Variants in KRT85 observed in about 807,000 individuals in gnomAD.
KRT85 encodes the protein keratin 85.
A neutral mutation model predicts 53.7 loss-of-function variants in KRT85; 39 were observed. That is an observed-to-expected ratio of 0.73 (90% CI 0.56 to 0.95). The LOEUF is 0.95. KRT85 is among the 40% of genes least tolerant of loss of function. KRT85 has a pLI of 0.00. For missense variants in KRT85, 668 were observed against 686.0 expected (o/e 0.97, Z 0.29); for synonymous variants, 291 against 277.5 (o/e 1.05, Z -0.48).
intron 2 of KRT85, 94 bp downstream of exon 2, chr12:52,364,867 GA>G: frequency 6.2e-7 from 1 of 1,602,806 alleles, no homozygotes. Flanking sequence ...CCTGCTAGAG[GA>G]ATCTGAAAGA....
chr12:52,362,551 G>T, intron 6 of KRT85, 80 bp from the exon 7 acceptor site: 1 of 1,544,726 alleles, frequency 6.5e-7, no homozygotes, highest in South Asian at 1.1e-5. Context: ...AGCCAGGGCA[G>T]GGAGAGGAGG....
rs749071018 is a variant in KRT85, at chr12:52,362,849, C to G, written c.1077+5G>C. 2 of 1,614,168 alleles carry G rather than the reference C, an allele frequency of 1.2e-6. No homozygotes were observed. The highest frequency in any genetic ancestry group is 2.2e-5 in the South Asian group (2 of 91,076). On this transcript the variant is annotated splice_donor_5th_base_variant and intron_variant, in intron 6 of 8. Coordinates refer to ENST00000257901, the MANE Select transcript of KRT85 (RefSeq NM_002283.4). ...CTGCGTATTTGAATCCTCCACAGAC[C>G]CCACCTGGCACTTGGCATTCTCAAT...
chr12:52,364,016 TCTCCAAAACA>T, intron 4 of KRT85, 42 bp downstream of exon 4: 1 of 1,378,530 alleles, frequency 7.3e-7, no homozygotes, highest in Non-Finnish European at 1.0e-6. Flanking sequence ...TGCTCCCCTG[TCTCCAAAACA>T]CCCCTCCACC....
intron 1 of KRT85, among the ~76,000 whole-genome samples, chr12:52,366,505 C>G (rs532998426): frequency 6.6e-6 from 1 of 152,196 alleles, no homozygotes; most frequent in South Asian, 2.1e-4. Context: ...CTAGGAGCCA[C>G]AAGGTCTTTT....
In KRT85 at chr12:52,362,168, GCTCACACTCAGCTCAAGGAAATT is replaced by G. The variant is rs1378808280; in HGVS notation, c.1298+60_1298+82del. 8.9e-6 allele frequency: 14 copies of G among 1,578,622 alleles called. No homozygotes were observed. The Admixed American group carries it at 2.2e-4, about 25-fold the overall frequency. On this transcript the variant is annotated intron_variant, in intron 7 of 8. Coordinates refer to ENST00000257901, the MANE Select transcript of KRT85 (RefSeq NM_002283.4). ...TGTATTAGCCATGGCCAGAGTTGTA[GCTCACACTCAGCTCAAGGAAATT>G]CACTCCTGGAGGACCACAGCCTCCA...
intron 1 of KRT85, among the ~76,000 whole-genome samples, chr12:52,365,796 C>T (rs1034452628): frequency 6.6e-6 from 1 of 152,122 alleles, no homozygotes; most frequent in Non-Finnish European, 1.5e-5. Context: ...GTGTGAAATG[C>T]CCAGCTCATG....
intron 2 of KRT85, 21 bp from the exon 3 acceptor site, chr12:52,364,387 G>T (rs77184300): frequency 1.9e-6 from 3 of 1,614,060 alleles, no homozygotes; most frequent in East Asian, 2.2e-5. Context: ...GAGAGAGAAG[G>T]TCTGGAGCTG....
chr12:52,365,868 G>A (rs753133386), intron 1 of KRT85, among the ~76,000 whole-genome samples: 7 of 152,142 alleles, frequency 4.6e-5, no homozygotes, highest in African/African-American at 1.2e-4. Context: ...TGAGATGCTC[G>A]TATACACCCC....
chr12:52,361,379 C>T, intron 8 of KRT85, 88 bp downstream of exon 8: 2 of 1,219,534 alleles, frequency 1.6e-6, no homozygotes, highest in Non-Finnish European at 2.4e-6. Flanking sequence ...GTTGGGGGAA[C>T]ACTCGAGGCT....
chr12:52,361,469 ACATT>A lies in KRT85; in HGVS notation c.1324_1327del (p.Asn442SerfsTer32). The A allele has an allele frequency of 6.2e-7, 1 of 1,614,058 alleles. No individual in the cohort carries two copies. The highest frequency in any genetic ancestry group is 8.5e-7 in the Non-Finnish European group (1 of 1,179,900). ...GAGAATTTCAGGCAGATACTCACAG[ACATT>A]CACAGAGCCCACACCTTCACACAGC... On this transcript the variant is annotated frameshift_variant, in exon 8 of 9. Transcript: ENST00000257901. LOFTEE classifies it high-confidence loss of function.
At chr12:52,363,453 C>CTGGG (rs762237390) in intron 4 of KRT85, 43 bp from the exon 5 acceptor site, 2 of 1,612,096 alleles carry the variant, frequency 1.2e-6, no homozygotes, top group Non-Finnish European at 1.7e-6. Flanking sequence ...AGTGCCTGAT[C>CTGGG]TGGGCCACGT....
chr12:52,361,238 CG>C (rs140476241), intron 8 of KRT85, among the ~76,000 whole-genome samples, 192 bp from the exon 9 acceptor site: 2,423 of 152,302 alleles, frequency 0.016, 76 homozygotes, highest in African/African-American at 0.055. Flanking sequence ...CCCTGGACCC[CG>C]GGGAGCAAAG....
rs1939254607 is a variant in KRT85, at chr12:52,365,187, A to C, written c.421-17T>G. 6.2e-7 allele frequency: 1 copy of C among 1,613,980 alleles called. No individual in the cohort carries two copies. The highest frequency in any genetic ancestry group is 1.3e-5 in the African/African-American group (1 of 75,044). ...GAAGCGCACCTGCCATTCAGGTGGA[A>C]AGAAGAAGTCAGAGGGAGCCTGGGG... On this transcript the variant is annotated splice_polypyrimidine_tract_variant and intron_variant, in intron 1 of 8. Coordinates refer to ENST00000257901, the MANE Select transcript of KRT85 (RefSeq NM_002283.4).
intron 1 of KRT85, among the ~76,000 whole-genome samples, chr12:52,365,461 T>G (rs1394297488): frequency 6.6e-6 from 1 of 152,206 alleles, no homozygotes; most frequent in Admixed American, 6.5e-5. Context: ...GAGCGAATAG[T>G]GTCTGTCTTA....
In KRT85 at chr12:52,367,301, G is replaced by C; in HGVS notation, c.105C>G (p.Ser35Arg). 1 of 1,613,634 alleles carries C rather than the reference G, an allele frequency of 6.2e-7. No homozygotes were observed. Among genetic ancestry groups the C allele is most frequent in the Non-Finnish European group, 8.5e-7 (1 of 1,179,724 alleles). ...APKTGNRCCI[S>R]AAPYRGVSCY... ...AGGACACCCCTCGGTAGGGGGCGGC[G>C]CTGATGCAGCAGCGGTTGCCAGTTT... Residue 35 changes from serine (S) to arginine (R), a missense_variant, in exon 1 of 9, where the codon AGC (serine) becomes AGG (arginine). Around this residue, in one of 3 missense-constraint regions of KRT85, gnomAD observed 158 missense variants for 141.8 expected, o/e 1.11. Transcript: ENST00000257901.
rs3837478 is a variant in KRT85, at chr12:52,366,676, TAC to T, written c.420+308_420+309del. On this transcript the variant is annotated intron_variant, in intron 1 of 8. Coordinates refer to ENST00000257901, the MANE Select transcript of KRT85 (RefSeq NM_002283.4). Reference sequence around the variant, plus strand: ...ACACACACATATGCTCACACACATGTACACACACACATATACACACCACACAC... The same window carrying T: ...ACACACACATATGCTCACACACATGTACACACACATATACACACCACACAC... Among the ~76,000 whole-genome samples, 66,240 of 151,736 alleles carry T rather than the reference TAC, an allele frequency of 0.44. 14,826 individuals are homozygous for T. The highest frequency in any genetic ancestry group is 0.52 in the South Asian group (2,507 of 4,796).
At position 52,365,873 on chromosome 12, in the gene KRT85, C is replaced by T. The variant is rs140313791; in HGVS notation, c.421-703G>A. ...ACAGCATGTCTGAGATGCTCGTATACACCCCCTTAGCTCCAAGTTGCTGTC... is the reference window on the plus strand; with the variant it reads ...ACAGCATGTCTGAGATGCTCGTATATACCCCCTTAGCTCCAAGTTGCTGTC... On this transcript the variant is annotated intron_variant, in intron 1 of 8. Coordinates refer to ENST00000257901, the MANE Select transcript of KRT85 (RefSeq NM_002283.4). Among the ~76,000 whole-genome samples the T allele has an allele frequency of 7.0e-3, 1,073 of 152,298 alleles. 8 individuals are homozygous for T. Among genetic ancestry groups the T allele is most frequent in the Middle Eastern group, 0.01 (3 of 294 alleles).
rs1443466496 is a variant in KRT85 at position 52,360,651 on chromosome 12, A to T, written c.*202T>A. 1 of 618,114 alleles carries T rather than the reference A, an allele frequency of 1.6e-6. No homozygotes were observed. The highest frequency in any genetic ancestry group is 1.8e-5 in the African/African-American group (1 of 54,304). The allele number at this position is 618,114 out of a possible 1,614,324, so 38.3% of individuals were successfully genotyped here. A position where few individuals can be genotyped will look rare whatever the true frequency, so the allele number is the denominator to read the frequency against. On this transcript the variant is annotated 3_prime_UTR_variant, in exon 9 of 9. Transcript: ENST00000257901. The stretch of plus-strand genomic sequence containing the variant: ...GGGAATGCCTCTGAAAACAGCTGCC[A>T]GGAGGACAACTAGGATGCATCTCCC...
intron 8 of KRT85, among the ~76,000 whole-genome samples, chr12:52,361,258 C>T (rs1939187026): frequency 6.6e-6 from 1 of 152,196 alleles, no homozygotes; most frequent in Non-Finnish European, 1.5e-5. Context: ...AGCTGCCAGG[C>T]CACAGGTCCA....
Sources: gnomAD v4.1 joint callset for allele counts (sites outside exome capture counted in the v4.1 genomes callset) on GRCh38, gnomAD v4.1.1 for gene constraint, gnomAD v4.1.1 regional missense constraint, MANE v1.5 for transcripts, NCBI Gene and HGNC (gene_info 2026-07-23, HGNC 2026-07-21) for gene names.